The following KANSL1 variants were observed in gnomAD, a reference collection of about 807,000 sequenced individuals.
KANSL1 encodes the protein KAT8 regulatory NSL complex subunit 1, also known as MLL1/MLL complex subunit KANSL1.
A neutral mutation model predicts 103.6 loss-of-function variants in KANSL1; 22 were observed. That is an observed-to-expected ratio of 0.21 (90% CI 0.15 to 0.30). The LOEUF is 0.30. Among genes scored for constraint, KANSL1 ranks in the 10% least tolerant of loss-of-function variants. KANSL1 has a pLI of 1.00. For synonymous variants in KANSL1, 600 were observed against 527.6 expected (o/e 1.14, Z -1.88); for missense variants, 1,337 against 1,399.8 (o/e 0.96, Z 0.72).
At chr17:46,033,361 G>GTGTACACA (rs2077063657) in intron 12 of KANSL1, 42 bp downstream of exon 12, 1 of 1,572,564 alleles carries the variant, frequency 6.4e-7, no homozygotes, top group Admixed American at 1.7e-5. Context: ...ATGTGTGCAT[G>GTGTACACA]TGTACACACG....
intron 1 of KANSL1, among the ~76,000 whole-genome samples, chr17:46,180,063 T>C (rs1215759521): frequency 6.7e-6 from 1 of 149,464 alleles, no homozygotes; most frequent in Non-Finnish European, 1.5e-5. Flanking sequence ...AGACTCCATC[T>C]TAAAAAAAAA....
chr17:46,062,939 A>C (rs757275684), intron 6 of KANSL1, among the ~76,000 whole-genome samples: 4 of 152,100 alleles, frequency 2.6e-5, no homozygotes, highest in Non-Finnish European at 5.9e-5. Flanking sequence ...AACCCCAGCT[A>C]CTCGGGAGAA....
At chr17:46,074,717 T>C (rs575337391) in intron 4 of KANSL1, among the ~76,000 whole-genome samples, 182 of 151,674 alleles carry the variant, frequency 1.2e-3, no homozygotes, top group African/African-American at 4.3e-3. Context: ...GGAGTGGTGA[T>C]TGCGACACTG....
chr17:46,077,809 C>T (rs184998583), intron 4 of KANSL1, among the ~76,000 whole-genome samples: 6 of 151,828 alleles, frequency 4.0e-5, no homozygotes, highest in South Asian at 2.1e-4. Flanking sequence ...CCACCCACCT[C>T]GGCCTCCCAA....
intron 1 of KANSL1, among the ~76,000 whole-genome samples, chr17:46,183,686 C>G (rs2046895330): frequency 6.6e-6 from 1 of 151,872 alleles, no homozygotes; most frequent in Admixed American, 6.6e-5. Flanking sequence ...AGAGGTGGCT[C>G]ACGCCTGTAA....
At chr17:46,072,088 T>C (rs534877448) in intron 4 of KANSL1, among the ~76,000 whole-genome samples, 11 of 151,666 alleles carry the variant, frequency 7.3e-5, no homozygotes, top group Admixed American at 2.0e-4. Flanking sequence ...ATCTCATTCA[T>C]TACTCCACTC....
chr17:46,071,344 C>G (rs2078571540), intron 4 of KANSL1, among the ~76,000 whole-genome samples: 1 of 152,178 alleles, frequency 6.6e-6, no homozygotes, highest in Admixed American at 6.5e-5. Context: ...TACTTAAGAT[C>G]TTGGGAAATT....
rs565198515 is a variant in KANSL1 at position 46,158,994 on chromosome 17, C to T, written c.1289+11861G>A. Among the ~76,000 whole-genome samples the T allele has an allele frequency of 1.6e-3, 245 of 152,228 alleles. 1 individual carries two copies. The highest frequency in any genetic ancestry group is 5.6e-3 in the African/African-American group (233 of 41,530). On this transcript the variant is annotated intron_variant, in intron 2 of 14. Transcript: ENST00000432791. The stretch of plus-strand genomic sequence containing the variant: ...ACCTTACGCTCAGATTTTTTTTTCA[C>T]TGCAATAAGTGAACACAACAAAAAA...
chr17:46,212,909 T>A (rs2048208356), intron 1 of KANSL1, among the ~76,000 whole-genome samples: 1 of 152,274 alleles, frequency 6.6e-6, no homozygotes, highest in African/African-American at 2.4e-5. Flanking sequence ...TCTGCATTCC[T>A]TTGATTACTT....
chr17:46,034,028 TATCAG>T, intron 11 of KANSL1, 128 bp downstream of exon 11: 2 of 1,145,084 alleles, frequency 1.7e-6, no homozygotes, highest in Admixed American at 2.6e-5. Context: ...ATTTCGTTCT[TATCAG>T]ATAAGAATTT....
intron 4 of KANSL1, among the ~76,000 whole-genome samples, chr17:46,077,722 T>A (rs1003181850): frequency 5.3e-5 from 8 of 152,090 alleles, no homozygotes; most frequent in African/African-American, 1.7e-4. Context: ...CACGCTTGGA[T>A]AATTTTTGTA....
chr17:46,168,881 T>G (rs1029026594), intron 2 of KANSL1, among the ~76,000 whole-genome samples: 3 of 152,208 alleles, frequency 2.0e-5, no homozygotes, highest in Non-Finnish European at 4.4e-5. Flanking sequence ...CAGAACTAAG[T>G]AGTGAATGAA....
chr17:46,051,692 G>C (rs1313013976), intron 6 of KANSL1, among the ~76,000 whole-genome samples: 1 of 152,166 alleles, frequency 6.6e-6, no homozygotes, highest in African/African-American at 2.4e-5. Flanking sequence ...CTATAAGAAG[G>C]CATCCTAGGT....
At chr17:46,105,391 C>T (rs1254792111) in intron 2 of KANSL1, among the ~76,000 whole-genome samples, 3 of 152,052 alleles carry the variant, frequency 2.0e-5, no homozygotes, top group African/African-American at 4.8e-5. Context: ...CTGAGGCGGG[C>T]AGATGACTTG....
chr17:46,159,599 AAG>A (rs1279411238), intron 2 of KANSL1, among the ~76,000 whole-genome samples: 1 of 152,276 alleles, frequency 6.6e-6, no homozygotes, highest in Admixed American at 6.5e-5. Flanking sequence ...ATTTACCAGC[AAG>A]AGTTTTCTTG....
chr17:46,102,253 A>G (rs2042354045), intron 2 of KANSL1, among the ~76,000 whole-genome samples: 1 of 151,778 alleles, frequency 6.6e-6, no homozygotes, highest in Non-Finnish European at 1.5e-5. Context: ...TACCAGAGCC[A>G]ATACTTTTTT....
chr17:46,139,296 C>CCCAA (rs1555563205), intron 2 of KANSL1, among the ~76,000 whole-genome samples: 5 of 139,474 alleles, frequency 3.6e-5, no homozygotes, highest in African/African-American at 1.4e-4. Context: ...TTTCATAGGC[C>CCCAA]AAAAAAAAAA....
intron 1 of KANSL1, among the ~76,000 whole-genome samples, chr17:46,212,393 G>T (rs1190438126): frequency 6.6e-6 from 1 of 152,026 alleles, no homozygotes; most frequent in East Asian, 1.9e-4. Flanking sequence ...GCTAATTTTT[G>T]TATTTTTAGT....
chr17:46,198,743 C>G (rs149022547), upstream of KANSL1, among the ~76,000 whole-genome samples: 3 of 152,294 alleles, frequency 2.0e-5, no homozygotes, highest in South Asian at 6.2e-4. Context: ...AAAACAAAAT[C>G]CCTGTCTAGA....
Sources: gnomAD v4.1 joint callset for allele counts (sites outside exome capture counted in the v4.1 genomes callset) on GRCh38, gnomAD v4.1.1 for gene constraint, MANE v1.5 for transcripts, NCBI Gene and HGNC (gene_info 2026-07-23, HGNC 2026-07-21) for gene names.